ARHGAP31: variants seen among roughly 807,000 people sequenced by gnomAD.
ARHGAP31 encodes rho GTPase-activating protein 31.
In ARHGAP31, 34 loss-of-function variants were observed where a neutral mutation model predicts 113.9. The observed-to-expected ratio is 0.30, with a 90% CI of 0.23 to 0.40. The LOEUF is 0.40. Among genes scored for constraint, ARHGAP31 ranks in the 10% least tolerant of loss-of-function variants. The probability of loss-of-function intolerance (pLI) is 1.00; values close to 1 mark genes in which losing one functional copy is unlikely to be tolerated. For missense variants in ARHGAP31, 1,548 were observed against 1,767.1 expected (o/e 0.88, Z 2.22); for synonymous variants, 650 against 684.8 (o/e 0.95, Z 0.79).
chr3:119,391,102 G>A, intron 7 of ARHGAP31, 119 bp downstream of exon 7: 1 of 1,142,248 alleles, frequency 8.8e-7, no homozygotes. Flanking sequence ...GTCTGGGTTG[G>A]GGTTTAAGGA....
chr3:119,301,339 A>G (rs935923197), intron 1 of ARHGAP31, among the ~76,000 whole-genome samples: 2 of 152,162 alleles, frequency 1.3e-5, no homozygotes, highest in African/African-American at 4.8e-5. Flanking sequence ...GAAGCTAAGA[A>G]CAGTCTGCGG....
At chr3:119,388,265 C>T (rs2080470823) in intron 6 of ARHGAP31, among the ~76,000 whole-genome samples, 2 of 143,286 alleles carry the variant, frequency 1.4e-5, no homozygotes. Flanking sequence ...GCATGACACA[C>T]AGTGGCATAT....
chr3:119,414,846 A>G lies in ARHGAP31; in HGVS notation c.2917A>G (p.Ser973Gly), dbSNP rs2080758210. The G allele has an allele frequency of 1.2e-6, 2 of 1,614,238 alleles. No individual in the cohort carries two copies. The highest frequency in any genetic ancestry group is 1.7e-6 in the Non-Finnish European group (2 of 1,180,038). Residue 973 changes from serine to glycine, a missense_variant, in exon 12 of 12, where the codon AGC (serine) becomes GGC (glycine). Ser to Gly is a moderately conservative substitution (Grantham distance 56). Transcript: ENST00000264245. ...GTGGACTCTCGAGGTTCCCTCCTCC[A>G]GCAGCTGTGCTAATCTTGAAACAGA... ...SQWTLEVPSSSSCANLETERN... is the reference protein window; with the variant it reads ...SQWTLEVPSSGSCANLETERN...
chr3:119,338,041 A>G (rs1164592061), intron 1 of ARHGAP31, among the ~76,000 whole-genome samples: 1 of 152,230 alleles, frequency 6.6e-6, no homozygotes, highest in Non-Finnish European at 1.5e-5. Context: ...GTGACACTGT[A>G]TTGACATTTT....
At chr3:119,359,799 T>C (rs1327574650) in intron 1 of ARHGAP31, among the ~76,000 whole-genome samples, 4 of 152,134 alleles carry the variant, frequency 2.6e-5, no homozygotes, top group Non-Finnish European at 5.9e-5. Context: ...ATGTAAATCT[T>C]TACTGCGTCT....
At chr3:119,395,135 T>C (rs1340765872) in intron 8 of ARHGAP31, among the ~76,000 whole-genome samples, 1 of 152,192 alleles carries the variant, frequency 6.6e-6, no homozygotes, top group Middle Eastern at 3.2e-3. Flanking sequence ...GGGGGAAAAT[T>C]AATTCCTATA....
At chr3:119,392,274 C>A (rs190815425) in intron 7 of ARHGAP31, among the ~76,000 whole-genome samples, 1 of 152,254 alleles carries the variant, frequency 6.6e-6, no homozygotes, top group Non-Finnish European at 1.5e-5. Flanking sequence ...ATGGTGAAAC[C>A]CAGTCTTTAC....
At position 119,415,727 on chromosome 3, in the gene ARHGAP31, T is replaced by C. The variant is rs1252374962; in HGVS notation, c.3798T>C (p.Asp1266=). Residue 1266 remains aspartate (D), a synonymous_variant, in exon 12 of 12, where the codon GAT becomes GAC. Coordinates refer to ENST00000264245, the MANE Select transcript of ARHGAP31 (RefSeq NM_020754.4). ...ESSKEEKPKQ[D]PGAIKSSPVD... ...CAAAGGAAGAAAAACCAAAGCAAGATCCCGGAGCCATTAAGTCCTCACCAG... is the reference window on the plus strand; with the variant it reads ...CAAAGGAAGAAAAACCAAAGCAAGACCCCGGAGCCATTAAGTCCTCACCAG... The C allele has an allele frequency of 6.2e-7, 1 of 1,613,806 alleles. No individual in the cohort carries two copies. Among genetic ancestry groups the C allele is most frequent in the African/African-American group, 1.3e-5 (1 of 74,846 alleles).
At chr3:119,333,754 G>A (rs1427669532) in intron 1 of ARHGAP31, among the ~76,000 whole-genome samples, 3 of 152,294 alleles carry the variant, frequency 2.0e-5, no homozygotes, top group Non-Finnish European at 4.4e-5. Context: ...GACTCTCACC[G>A]TTTTATTCCT....
At chr3:119,339,369 T>C (rs1198534378) in intron 1 of ARHGAP31, among the ~76,000 whole-genome samples, 1 of 152,190 alleles carries the variant, frequency 6.6e-6, no homozygotes, top group Non-Finnish European at 1.5e-5. Flanking sequence ...TTAATGCAAT[T>C]CTTATCAAAA....
intron 1 of ARHGAP31, among the ~76,000 whole-genome samples, chr3:119,321,944 C>T (rs1198477434): frequency 2.0e-5 from 3 of 152,246 alleles, no homozygotes; most frequent in Non-Finnish European, 4.4e-5. Context: ...TGAGCCACCA[C>T]GCCCGGCCCA....
chr3:119,409,870 T>G, intron 11 of ARHGAP31, 94 bp downstream of exon 11: 1 of 1,361,148 alleles, frequency 7.3e-7, no homozygotes. Flanking sequence ...AAAAATTTTT[T>G]TTTGAAAAAT....
At chr3:119,321,893 T>G (rs1326353765) in intron 1 of ARHGAP31, among the ~76,000 whole-genome samples, 1 of 152,256 alleles carries the variant, frequency 6.6e-6, no homozygotes, top group Non-Finnish European at 1.5e-5. Flanking sequence ...CCTCGGGTGA[T>G]CTGCCCGCCT....
intron 1 of ARHGAP31, among the ~76,000 whole-genome samples, chr3:119,312,838 A>G (rs1559963097): frequency 6.6e-6 from 1 of 152,232 alleles, no homozygotes; most frequent in Admixed American, 6.5e-5. Context: ...GGTGCTACCC[A>G]GGAACTAAAA....
At position 119,317,758 on chromosome 3, in the gene ARHGAP31, A is replaced by G. The variant is rs150707585; in HGVS notation, c.100+22754A>G. ...TTAGAAGCTGGTACAGAAAAGTACA[A>G]GGTAATTTAGAATTTCTGAAGTAGT... is the stretch of plus-strand genomic sequence containing the variant. On this transcript the variant is annotated intron_variant, in intron 1 of 11. Transcript: ENST00000264245. Among the ~76,000 whole-genome samples, 405 of 152,320 alleles carry G rather than the reference A, an allele frequency of 2.7e-3. 5 individuals are homozygous for G. Among genetic ancestry groups the G allele is most frequent in the African/African-American group, 9.5e-3 (395 of 41,560 alleles).
chr3:119,383,295 A>G, intron 6 of ARHGAP31, 69 bp downstream of exon 6: 7 of 1,593,280 alleles, frequency 4.4e-6, no homozygotes, highest in Non-Finnish European at 6.0e-6. Flanking sequence ...GTGGGACTCA[A>G]CAGAAAGTGA....
At chr3:119,406,767 A>C (rs2107643164) in intron 10 of ARHGAP31, among the ~76,000 whole-genome samples, 1 of 152,332 alleles carries the variant, frequency 6.6e-6, no homozygotes, top group South Asian at 2.1e-4. Context: ...GGTAGCTCTC[A>C]AGTAATACAA....
Position 119,362,273 on chromosome 3 carries a change from G to A in ARHGAP31, c.101-3043G>A, listed in dbSNP as rs75340357. 8.5e-5 allele frequency among the ~76,000 whole-genome samples: 13 copies of A among 152,326 alleles called. No homozygotes were observed. In the East Asian group the frequency reaches 2.5e-3, roughly 29 times the overall value. ...CTGCACAGCACAGCAGCCATGCACT[G>A]TGGTACAGACTTGAAATGCAGAACA... On this transcript the variant is annotated intron_variant, in intron 1 of 11. Transcript: ENST00000264245.
At chr3:119,325,046 G>A (rs2079829536) in intron 1 of ARHGAP31, 2 of 451,368 alleles carry the variant, frequency 4.4e-6, no homozygotes. Context: ...ATTGGTTAAT[G>A]TTTATTGAAC....
Sources: gnomAD v4.1 joint callset for allele counts (sites outside exome capture counted in the v4.1 genomes callset) on GRCh38, gnomAD v4.1.1 for gene constraint, MANE v1.5 for transcripts, NCBI Gene and HGNC (gene_info 2026-07-23, HGNC 2026-07-21) for gene names.